Variants in BANK1 observed in about 807,000 individuals in gnomAD.
The protein encoded by BANK1 is B cell scaffold protein with ankyrin repeats 1.
A neutral mutation model predicts 94.5 loss-of-function variants in BANK1; 95 were observed. The observed-to-expected ratio is 1.00, with a 90% CI of 0.85 to 1.19. The LOEUF (loss-of-function observed/expected upper bound fraction) is 1.19. Among genes scored for constraint, BANK1 ranks in the 50% most tolerant of loss-of-function variants. BANK1 has a pLI of 0.00. For synonymous variants in BANK1, 334 were observed against 308.4 expected (o/e 1.08, Z -0.87); for missense variants, 987 against 932.2 (o/e 1.06, Z -0.77).
At chr4:102,040,987 G>A (rs768724271) in intron 10 of BANK1, among the ~76,000 whole-genome samples, 7 of 151,980 alleles carry the variant, frequency 4.6e-5, no homozygotes, top group Non-Finnish European at 1.0e-4. Context: ...GTGCCAAGTT[G>A]GCTAGTATTC....
chr4:102,039,407 C>A (rs746578170), intron 10 of BANK1, among the ~76,000 whole-genome samples: 11 of 152,062 alleles, frequency 7.2e-5, no homozygotes, highest in Non-Finnish European at 1.2e-4. Flanking sequence ...ACTGCTTATA[C>A]GGTTAAAACA....
rs534436603 is a variant in BANK1 at position 101,908,372 on chromosome 4, G to T, written c.1010-9621G>T. Among the ~76,000 whole-genome samples the T allele has an allele frequency of 2.9e-4, 44 of 152,274 alleles. 2 individuals carry two copies. In the East Asian group the frequency reaches 7.9e-3, roughly 27 times the overall value. ...AGCCATATGTAGAAAGCTGAAACTG[G>T]ATCCCTTCCTTATACCTTATACAAA... is the stretch of plus-strand genomic sequence containing the variant. On this transcript the variant is annotated intron_variant, in intron 6 of 16. Transcript: ENST00000322953.
At chr4:102,012,045 T>C (rs1726529194) in intron 7 of BANK1, among the ~76,000 whole-genome samples, 1 of 152,134 alleles carries the variant, frequency 6.6e-6, no homozygotes, top group Non-Finnish European at 1.5e-5. Context: ...TGTCTCCTAG[T>C]TTTCTTTATT....
At chr4:101,961,479 A>G (rs1724569110) in intron 7 of BANK1, among the ~76,000 whole-genome samples, 1 of 152,112 alleles carries the variant, frequency 6.6e-6, no homozygotes, top group Non-Finnish European at 1.5e-5. Flanking sequence ...GTGAAATCAT[A>G]TTTGTTTTGG....
intron 7 of BANK1, among the ~76,000 whole-genome samples, chr4:101,974,717 C>G (rs1195436503): frequency 6.6e-6 from 1 of 151,670 alleles, no homozygotes; most frequent in Non-Finnish European, 1.5e-5. Flanking sequence ...ATCTTGAGAA[C>G]ATAGCTCTAT....
chr4:101,790,805 G>C lies in BANK1; in HGVS notation c.-76G>C, dbSNP rs1416592175. 7 of 1,418,928 alleles carry C rather than the reference G, an allele frequency of 4.9e-6. No homozygotes were observed. Among genetic ancestry groups the C allele is most frequent in the Non-Finnish European group, 5.8e-6 (6 of 1,040,908 alleles). 87.9% of individuals were successfully genotyped at this position (1,418,928 alleles called of 1,614,324 possible). Reference sequence around the variant, plus strand: ...GGGCCAAAGGAAGAGAAAATCGCGGGGAGTCTCTGGCCGGGAGAGTCCAGG... The same window carrying C: ...GGGCCAAAGGAAGAGAAAATCGCGGCGAGTCTCTGGCCGGGAGAGTCCAGG... On this transcript the variant is annotated 5_prime_UTR_variant, in exon 1 of 17. Transcript: ENST00000322953.
chr4:101,927,822 C>T (rs1723214208), intron 7 of BANK1, among the ~76,000 whole-genome samples: 1 of 151,522 alleles, frequency 6.6e-6, no homozygotes. Flanking sequence ...ATTTGAAATG[C>T]CTACTATGTT....
intron 6 of BANK1, 77 bp downstream of exon 6, chr4:101,895,487 C>A (rs565747547): frequency 1.6e-5 from 14 of 863,806 alleles, no homozygotes; most frequent in African/African-American, 1.6e-4. Context: ...AATGTTATAA[C>A]CAAAAATATA....
intron 1 of BANK1, among the ~76,000 whole-genome samples, chr4:101,798,095 G>T (rs1251628116): frequency 6.6e-6 from 1 of 152,148 alleles, no homozygotes; most frequent in African/African-American, 2.4e-5. Context: ...AAATTCTTTT[G>T]ATAGGTCAGG....
intron 2 of BANK1, among the ~76,000 whole-genome samples, chr4:101,853,013 C>T (rs1042642515): frequency 6.6e-6 from 1 of 152,034 alleles, no homozygotes; most frequent in African/African-American, 2.4e-5. Flanking sequence ...TTTATACAAC[C>T]TTTCACTGTT....
At chr4:102,068,670 T>C (rs1243111149) in intron 13 of BANK1, among the ~76,000 whole-genome samples, 1 of 151,850 alleles carries the variant, frequency 6.6e-6, no homozygotes, top group Admixed American at 6.6e-5. Flanking sequence ...CTTATAAAAA[T>C]ACAAAAAATT....
Position 101,790,732 on chromosome 4 carries a change from G to A in BANK1, c.-149G>A. 1.2e-6 allele frequency: 1 copy of A among 848,414 alleles called. No individual in the cohort carries two copies. The highest frequency in any genetic ancestry group is 1.5e-5 in the South Asian group (1 of 65,216). The allele number at this position is 848,414 out of a possible 1,614,324, so 52.6% of individuals were successfully genotyped here. Reference sequence around the variant, plus strand: ...TGAGCCCCGGGGCTGCGTTTCCTGAGACCTGGCCGCAGCCTCCGCGGGTGG... The same window carrying A: ...TGAGCCCCGGGGCTGCGTTTCCTGAAACCTGGCCGCAGCCTCCGCGGGTGG... On this transcript the variant is annotated 5_prime_UTR_variant, in exon 1 of 17. Coordinates refer to ENST00000322953, the MANE Select transcript of BANK1 (RefSeq NM_017935.5).
At chr4:101,878,193 G>C (rs1171546292) in intron 5 of BANK1, among the ~76,000 whole-genome samples, 1 of 151,962 alleles carries the variant, frequency 6.6e-6, no homozygotes, top group Non-Finnish European at 1.5e-5. Context: ...AAAAGACCTA[G>C]TGATCTGTTG....
At chr4:101,790,976 C>G in intron 1 of BANK1, 26 bp downstream of exon 1, 1 of 1,472,744 alleles carries the variant, frequency 6.8e-7, no homozygotes, top group Non-Finnish European at 9.0e-7. Flanking sequence ...TTCGGAGGGG[C>G]TTGACGCCGA....
intron 7 of BANK1, among the ~76,000 whole-genome samples, chr4:101,972,040 G>A (rs1218977219): frequency 2.0e-5 from 3 of 151,972 alleles, no homozygotes; most frequent in African/African-American, 7.3e-5. Flanking sequence ...AATTTTGATA[G>A]GAATGGTATT....
At chr4:101,811,427 T>C (rs992676597) in intron 1 of BANK1, among the ~76,000 whole-genome samples, 23 of 152,086 alleles carry the variant, frequency 1.5e-4, no homozygotes, top group African/African-American at 4.8e-4. Flanking sequence ...TACTCTCTTA[T>C]AAAAATAATG....
intron 6 of BANK1, among the ~76,000 whole-genome samples, chr4:101,915,251 C>A (rs548572782): frequency 1.3e-5 from 2 of 152,174 alleles, no homozygotes; most frequent in South Asian, 4.2e-4. Context: ...GTAGCTTGTG[C>A]AAATGACACT....
chr4:101,855,408 T>C (rs1184596839), intron 3 of BANK1, among the ~76,000 whole-genome samples: 1 of 152,180 alleles, frequency 6.6e-6, no homozygotes, highest in African/African-American at 2.4e-5. Flanking sequence ...AGATATTGTA[T>C]TTCACAAGAA....
chr4:101,832,563 C>T (rs1726661717), intron 2 of BANK1, among the ~76,000 whole-genome samples: 1 of 152,046 alleles, frequency 6.6e-6, no homozygotes, highest in Non-Finnish European at 1.5e-5. Flanking sequence ...GTTTCTCTTT[C>T]TCTGTATTAC....
Sources: gnomAD v4.1 joint callset for allele counts (sites outside exome capture counted in the v4.1 genomes callset) on GRCh38, gnomAD v4.1.1 for gene constraint, MANE v1.5 for transcripts, NCBI Gene and HGNC (gene_info 2026-07-23, HGNC 2026-07-21) for gene names.